Variants in CFAP221 observed in about 807,000 individuals in gnomAD.
CFAP221 encodes cilia and flagella associated protein 221.
A neutral mutation model predicts 113.1 loss-of-function variants in CFAP221; 97 were observed. The ratio of observed to expected loss-of-function variants is 0.86; its 90% CI spans 0.73 to 1.02. The LOEUF (loss-of-function observed/expected upper bound fraction) is 1.02, where lower values mean the gene tolerates loss of function less well. Ranked by LOEUF, CFAP221 falls within the 50% of genes least tolerant of loss-of-function variation. The pLI, the probability that CFAP221 is intolerant of heterozygous loss-of-function variation, is 0.00. For missense variants in CFAP221, 1,025 were observed against 1,013.4 expected, an observed-to-expected ratio of 1.01 and a Z score of -0.16; for synonymous variants, 331 against 354.4, an observed-to-expected ratio of 0.93 and a Z score of 0.74.
At chr2:119,638,729 C>T (rs950731686) in intron 20 of CFAP221, among the ~76,000 whole-genome samples, 5 of 152,152 alleles carry the variant, frequency 3.3e-5, no homozygotes, top group African/African-American at 7.2e-5. Context: ...TATGCACAAC[C>T]GTTGGTCTGA....
At chr2:119,562,551 G>A (rs143794347) in intron 6 of CFAP221, among the ~76,000 whole-genome samples, 1 of 152,130 alleles carries the variant, frequency 6.6e-6, no homozygotes. Flanking sequence ...GGGCATTCAA[G>A]CAAAACCCCA....
chr2:119,637,666 A>T (rs1687202552), intron 19 of CFAP221, among the ~76,000 whole-genome samples: 1 of 152,164 alleles, frequency 6.6e-6, no homozygotes, highest in Non-Finnish European at 1.5e-5. Context: ...TTTTGATATA[A>T]TTGCTCTGTG....
In CFAP221 at chr2:119,544,480, G is replaced by C. The variant is rs1039771579; in HGVS notation, c.-78G>C. 2.6e-5 allele frequency: 4 copies of C among 151,806 alleles called. No homozygotes were observed. Among genetic ancestry groups the C allele is most frequent in the Non-Finnish European group, 4.4e-5 (3 of 67,964 alleles). The allele number at this position is 151,806 out of a possible 1,614,324, so 9.4% of individuals were successfully genotyped here. ...CCGAGCGGGCGCCGGCGCTGGCGCC[G>C]GCCGAATCCGGCCCGGGAACCACCT... On this transcript the variant is annotated 5_prime_UTR_variant, in exon 1 of 24. Coordinates refer to ENST00000413369, the MANE Select transcript of CFAP221 (RefSeq NM_001271049.2).
chr2:119,644,303 A>G (rs1687670319), intron 21 of CFAP221, among the ~76,000 whole-genome samples: 1 of 152,228 alleles, frequency 6.6e-6, no homozygotes, highest in Non-Finnish European at 1.5e-5. Context: ...CTCAGAATTT[A>G]AAAACTGGGT....
At position 119,656,379 on chromosome 2, in the gene CFAP221, C is replaced by T. The variant is rs1688434054; in HGVS notation, c.2432C>T (p.Ala811Val). The T allele has an allele frequency of 6.2e-7, 1 of 1,613,954 alleles. No homozygotes were observed. Among genetic ancestry groups the T allele is most frequent in the Non-Finnish European group, 8.5e-7 (1 of 1,179,942 alleles). ...IRKEKEVKDQ[A>V]QPAEKAGEKL... ...ATACTCAGAGAAGTGAAAGATCAAG[C>T]ACAACCAGCAGAGAAGGCCGGAGAG... is the stretch of plus-strand genomic sequence containing the variant. Residue 811 changes from alanine to valine, a missense_variant, in exon 24 of 24, where the codon GCA becomes GTA. Coordinates refer to ENST00000413369, the MANE Select transcript of CFAP221 (RefSeq NM_001271049.2).
At chr2:119,634,336 A>C (rs1041899733) in intron 19 of CFAP221, among the ~76,000 whole-genome samples, 2 of 152,098 alleles carry the variant, frequency 1.3e-5, no homozygotes, top group Admixed American at 1.3e-4. Flanking sequence ...GTGTGATGGC[A>C]GAAGCCTGTA....
chr2:119,600,436 A>G (rs1181090105), intron 7 of CFAP221, among the ~76,000 whole-genome samples: 1 of 152,232 alleles, frequency 6.6e-6, no homozygotes, highest in Non-Finnish European at 1.5e-5. Flanking sequence ...GACATCTGGT[A>G]ATTTGCTTAC....
At chr2:119,549,245 A>G in intron 3 of CFAP221, 60 bp downstream of exon 3, 1 of 1,290,256 alleles carries the variant, frequency 7.8e-7, no homozygotes, top group Non-Finnish European at 1.1e-6. Context: ...AATGTTCTGA[A>G]TTTATATTAT....
chr2:119,646,771 T>G (rs1687837578), intron 21 of CFAP221, among the ~76,000 whole-genome samples, 187 bp from the exon 22 acceptor site: 1 of 152,230 alleles, frequency 6.6e-6, no homozygotes, highest in Non-Finnish European at 1.5e-5. Flanking sequence ...CTCCCAGGTT[T>G]GCCTGGGGCC....
intron 14 of CFAP221, among the ~76,000 whole-genome samples, chr2:119,623,625 A>G (rs1331271244): frequency 6.6e-6 from 1 of 152,246 alleles, no homozygotes; most frequent in Non-Finnish European, 1.5e-5. Flanking sequence ...CTATACTACA[A>G]GGCTACAGTA....
chr2:119,647,233 G>A (rs1440909533), intron 22 of CFAP221, among the ~76,000 whole-genome samples, 183 bp downstream of exon 22: 3 of 152,086 alleles, frequency 2.0e-5, no homozygotes, highest in Non-Finnish European at 2.9e-5. Flanking sequence ...GTGGAGAATC[G>A]ACAGTCTCTA....
At chr2:119,652,713 TAAAAC>T (rs1688198914) in intron 23 of CFAP221, among the ~76,000 whole-genome samples, 1 of 152,164 alleles carries the variant, frequency 6.6e-6, no homozygotes, top group African/African-American at 2.4e-5. Context: ...AAATACAAAT[TAAAAC>T]AAAAATTTTG....
intron 6 of CFAP221, among the ~76,000 whole-genome samples, chr2:119,579,295 A>G (rs1003101579): frequency 6.7e-6 from 1 of 150,068 alleles, no homozygotes; most frequent in Non-Finnish European, 1.5e-5. Context: ...CAGGCACGAG[A>G]TATATATATA....
Position 119,646,988 on chromosome 2 carries a change from G to C in CFAP221, c.2256G>C (p.Pro752=). ...ATTCCTTCAATTCATTTATGCTTCC[G>C]ATAGACGTCCCTGCCATCCTTGATG... ...SCDSFNSFML[P]IDVPAILDAL... Residue 752 remains proline, a synonymous_variant, in exon 22 of 24, where the codon CCG becomes CCC. Coordinates refer to ENST00000413369, the MANE Select transcript of CFAP221 (RefSeq NM_001271049.2). The C allele has an allele frequency of 3.1e-6, 5 of 1,613,668 alleles. No homozygotes were observed. Among genetic ancestry groups the C allele is most frequent in the Non-Finnish European group, 3.4e-6 (4 of 1,179,842 alleles).
chr2:119,561,762 T>C (rs905812130), intron 5 of CFAP221, among the ~76,000 whole-genome samples: 1 of 152,236 alleles, frequency 6.6e-6, no homozygotes, highest in African/African-American at 2.4e-5. Context: ...TTCATATCTC[T>C]ATGAGGCGTC....
intron 6 of CFAP221, among the ~76,000 whole-genome samples, chr2:119,568,595 A>G (rs1039933665): frequency 6.6e-6 from 1 of 151,586 alleles, no homozygotes; most frequent in Non-Finnish European, 1.5e-5. Flanking sequence ...GCAGTGTTTG[A>G]TTTTCTGTTC....
At chr2:119,598,998 T>G (rs1189564106) in intron 7 of CFAP221, among the ~76,000 whole-genome samples, 1 of 152,130 alleles carries the variant, frequency 6.6e-6, no homozygotes, top group Non-Finnish European at 1.5e-5. Flanking sequence ...TCTGACCAAG[T>G]GGGTGGTCAA....
intron 6 of CFAP221, among the ~76,000 whole-genome samples, chr2:119,564,823 G>A (rs2104551513): frequency 6.6e-6 from 1 of 152,168 alleles, no homozygotes; most frequent in South Asian, 2.1e-4. Context: ...TTTTGTTTTT[G>A]CTATGCTGAA....
chr2:119,653,306 G>A (rs1399902442), intron 23 of CFAP221, among the ~76,000 whole-genome samples: 2 of 151,984 alleles, frequency 1.3e-5, no homozygotes, highest in African/African-American at 2.4e-5. Flanking sequence ...GCTTGAACCT[G>A]GGAGGCAAAG....
Sources: allele counts gnomAD v4.1 joint callset (sites outside exome capture counted in the v4.1 genomes callset), GRCh38; gene constraint gnomAD v4.1.1; transcripts MANE v1.5; gene names NCBI Gene and HGNC (gene_info 2026-07-23, HGNC 2026-07-21).